AGMO: variants seen among roughly 807,000 people sequenced by gnomAD.
AGMO encodes glyceryl-ether monooxygenase.
In AGMO, 75 loss-of-function variants were observed where a neutral mutation model predicts 60.2. The observed-to-expected ratio is 1.25, with a 90% CI of 1.03 to 1.51. AGMO has a LOEUF of 1.51. Among genes scored for constraint, AGMO ranks in the 40% most tolerant of loss-of-function variants. AGMO has a pLI of 0.00. For synonymous variants in AGMO, 261 were observed against 177.1 expected (o/e 1.47, Z -3.76); for missense variants, 763 against 525.5 (o/e 1.45, Z -4.42).
rs1372134196 is a variant in AGMO at position 15,385,493 on chromosome 7, A to G, written c.1027T>C (p.Phe343Leu). 6.2e-7 allele frequency: 1 copy of G among 1,613,104 alleles called. No individual in the cohort carries two copies. The highest frequency in any genetic ancestry group is 1.3e-5 in the African/African-American group (1 of 74,900). Residue 343 changes from phenylalanine (F) to leucine (L), a missense_variant, in exon 10 of 13, where the codon TTT (phenylalanine) becomes CTT (leucine). By Grantham distance (22) the Phe-to-Leu change is conservative. Transcript: ENST00000342526. ...TCATAAAATGCCAACATCAGAGCAA[A>G]CTGTACAACTGTATATATCTTTAAT... ...QLLKIYTVVQFALMLAFYEET... is the reference protein window; with the variant it reads ...QLLKIYTVVQLALMLAFYEET...
At chr7:15,520,178 G>T (rs1302891082) in intron 3 of AGMO, among the ~76,000 whole-genome samples, 2 of 152,006 alleles carry the variant, frequency 1.3e-5, no homozygotes, top group African/African-American at 4.8e-5. Flanking sequence ...CCCAATACAG[G>T]AGCACCCAGA....
At chr7:15,397,958 G>A (rs1784456565) in intron 5 of AGMO, among the ~76,000 whole-genome samples, 1 of 152,172 alleles carries the variant, frequency 6.6e-6, no homozygotes, top group Admixed American at 6.5e-5. Context: ...AAGAAAAATG[G>A]TGGAAAATAG....
chr7:15,197,702 T>C (rs1174360570), downstream of AGMO, among the ~76,000 whole-genome samples: 5 of 152,232 alleles, frequency 3.3e-5, no homozygotes, highest in Non-Finnish European at 7.3e-5. Flanking sequence ...TTAGAAGTTC[T>C]GGACTCATTC....
intron 3 of AGMO, among the ~76,000 whole-genome samples, chr7:15,441,583 G>A (rs1781555473): frequency 6.6e-6 from 1 of 152,138 alleles, no homozygotes; most frequent in African/African-American, 2.4e-5. Flanking sequence ...TTAGGAGGCA[G>A]AAATCATGGG....
At chr7:15,215,624 G>C (rs998507675) in intron 12 of AGMO, among the ~76,000 whole-genome samples, 1 of 152,092 alleles carries the variant, frequency 6.6e-6, no homozygotes, top group Admixed American at 6.6e-5. Flanking sequence ...AATTCCTGCT[G>C]ATAATCATAA....
At chr7:15,418,712 A>C in intron 4 of AGMO, 59 bp from the exon 5 acceptor site, 1 of 1,017,454 alleles carries the variant, frequency 9.8e-7, no homozygotes. Context: ...ATGCTTTGTT[A>C]ATGGTTCAAT....
chr7:15,422,686 A>G (rs1327889231), intron 4 of AGMO, among the ~76,000 whole-genome samples: 3 of 152,204 alleles, frequency 2.0e-5, no homozygotes, highest in Non-Finnish European at 4.4e-5. Context: ...AAAATAGGGC[A>G]GTCTCATGTC....
chr7:15,180,584 T>A, the AGMO span, among the ~76,000 whole-genome samples: 73 of 151,988 alleles, frequency 4.8e-4, no homozygotes, highest in Non-Finnish European at 9.0e-4. Context: ...ATTTAGACTT[T>A]CCCTACTCTG....
chr7:15,508,773 A>T lies in AGMO; in HGVS notation c.409+35999T>A, dbSNP rs549805502. Among the ~76,000 whole-genome samples the T allele has an allele frequency of 1.8e-4, 28 of 152,314 alleles. No homozygotes were observed. In the South Asian group the frequency reaches 3.7e-3, roughly 20 times the overall value. On this transcript the variant is annotated intron_variant, in intron 3 of 12. Transcript: ENST00000342526. Reference sequence around the variant, plus strand: ...TTTTTAACATTTAGAGAGGGGAAAAAAAAACCTAACCATATCTTTTGCCAC... The same window carrying T: ...TTTTTAACATTTAGAGAGGGGAAAATAAAACCTAACCATATCTTTTGCCAC...
At chr7:15,282,025 A>G (rs1227060491) in intron 12 of AGMO, among the ~76,000 whole-genome samples, 1 of 152,198 alleles carries the variant, frequency 6.6e-6, no homozygotes, top group African/African-American at 2.4e-5. Context: ...ATCTGCTATA[A>G]AAATTAAATT....
chr7:15,180,551 C>A, the AGMO span, among the ~76,000 whole-genome samples: 2 of 151,998 alleles, frequency 1.3e-5, no homozygotes, highest in Admixed American at 1.3e-4. Flanking sequence ...TTGGCCATGA[C>A]CACTTAAGTG....
chr7:15,465,391 C>A (rs2128510124), intron 3 of AGMO, among the ~76,000 whole-genome samples: 1 of 149,922 alleles, frequency 6.7e-6, no homozygotes, highest in African/African-American at 2.4e-5. Context: ...ATATGTGAGA[C>A]AAGATGACTT....
chr7:15,364,217 C>A (rs1782875701), intron 12 of AGMO, among the ~76,000 whole-genome samples: 1 of 151,884 alleles, frequency 6.6e-6, no homozygotes, highest in African/African-American at 2.4e-5. Flanking sequence ...TCTGCTTCTT[C>A]CTTTCTTCTA....
chr7:15,164,213 C>G, the AGMO span, among the ~76,000 whole-genome samples: 5 of 151,844 alleles, frequency 3.3e-5, no homozygotes, highest in African/African-American at 1.2e-4. Flanking sequence ...TGAGCTTGAC[C>G]CCTATCTCTC....
intron 3 of AGMO, among the ~76,000 whole-genome samples, chr7:15,453,098 G>C (rs1306804976): frequency 6.6e-6 from 1 of 152,090 alleles, no homozygotes; most frequent in Non-Finnish European, 1.5e-5. Context: ...ATTGCTAATG[G>C]GCACCAGATC....
the AGMO span, among the ~76,000 whole-genome samples, chr7:15,160,082 C>G: frequency 1.1e-4 from 17 of 152,280 alleles, 1 homozygote; most frequent in South Asian, 3.5e-3. Context: ...TCCCAAAGTT[C>G]TCTTGGAAAC....
chr7:15,241,121 G>C (rs1782574405), intron 12 of AGMO, among the ~76,000 whole-genome samples: 1 of 152,142 alleles, frequency 6.6e-6, no homozygotes, highest in South Asian at 2.1e-4. Flanking sequence ...CCCAGAGATA[G>C]AATGCGCTCA....
chr7:15,233,820 G>T (rs1048271984), intron 12 of AGMO, among the ~76,000 whole-genome samples: 4 of 152,024 alleles, frequency 2.6e-5, no homozygotes, highest in Admixed American at 2.6e-4. Flanking sequence ...GGGAGGCTGA[G>T]GCGCGTGGAT....
intron 3 of AGMO, among the ~76,000 whole-genome samples, chr7:15,538,578 T>C (rs1449627359): frequency 6.6e-6 from 1 of 152,042 alleles, no homozygotes; most frequent in African/African-American, 2.4e-5. Flanking sequence ...TCATAATGTA[T>C]AGCAAAGAGT....
Sources: allele counts gnomAD v4.1 joint callset (sites outside exome capture counted in the v4.1 genomes callset), GRCh38; gene constraint gnomAD v4.1.1; transcripts MANE v1.5; gene names NCBI Gene and HGNC (gene_info 2026-07-23, HGNC 2026-07-21).